FRMPD4: variants seen among roughly 807,000 people sequenced by gnomAD.
FRMPD4 encodes FERM and PDZ domain-containing protein 4.
In FRMPD4, 22 loss-of-function variants were observed where a neutral mutation model predicts 94.1. That is an observed-to-expected ratio of 0.23 (90% CI 0.17 to 0.33). The LOEUF is 0.33. FRMPD4 is among the 10% of genes least tolerant of loss of function. The probability of loss-of-function intolerance (pLI) is 1.00; values close to 1 mark genes in which losing one functional copy is unlikely to be tolerated. For missense variants in FRMPD4, 1,111 were observed against 1,339.9 expected, an observed-to-expected ratio of 0.83 and a Z score of 2.67; for synonymous variants, 631 against 548.6, an observed-to-expected ratio of 1.15 and a Z score of -2.10.
intron 3 of FRMPD4, among the ~76,000 whole-genome samples, chrX:12,126,389 G>A (rs1801082271): frequency 1.8e-5 from 2 of 112,059 alleles, no homozygotes; most frequent in Non-Finnish European, 3.8e-5. Flanking sequence ...GGGAAGAAAC[G>A]GATCATGAAT....
chrX:11,848,521 T>TC (rs2053597756), intron 1 of FRMPD4, among the ~76,000 whole-genome samples: 1 of 110,159 alleles, frequency 9.1e-6, no homozygotes, highest in Non-Finnish European at 1.9e-5. Context: ...TTTTTTTTTT[T>TC]TTCATTAGGT....
At chrX:11,898,876 C>T (rs1003468349) in intron 3 of FRMPD4, among the ~76,000 whole-genome samples, 2 of 111,124 alleles carry the variant, frequency 1.8e-5, no homozygotes, top group African/African-American at 6.6e-5. Context: ...AAGGTTTGGG[C>T]CTGAATAAGT....
Position 12,481,950 on chromosome X carries a change from A to AAAAAAATAAAAAAAT in FRMPD4, c.42-16724_42-16723insTAAAAAAATAAAAAA, listed in dbSNP as rs1569294808. Among the ~76,000 whole-genome samples, 38 of 88,385 alleles carry AAAAAAATAAAAAAAT rather than the reference A, an allele frequency of 4.3e-4. 1 individual carries two copies. The highest frequency in any genetic ancestry group is 7.9e-4 in the Non-Finnish European group (35 of 44,178). The allele number at this position is 88,385 out of a possible 115,157, so 76.8% of individuals were successfully genotyped here. On this transcript the variant is annotated intron_variant, in intron 1 of 16. Coordinates refer to ENST00000675598, the MANE Select transcript of FRMPD4 (RefSeq NM_001368397.1). ...AGAGCAAGACTACATCTCAAAAAAA[A>AAAAAAATAAAAAAAT]AAAAAAAAAAAAAAAAAAAAAGAAA...
chrX:12,686,025 A>C (rs2060019557), intron 6 of FRMPD4, 72 bp from the exon 7 acceptor site: 2 of 513,794 alleles, frequency 3.9e-6, no homozygotes, highest in African/African-American at 2.3e-5. Context: ...TAAAGTATAG[A>C]TGTGCTGCTA....
chrX:12,344,341 A>G (rs1315703184), intron 1 of FRMPD4, among the ~76,000 whole-genome samples: 1 of 111,392 alleles, frequency 9.0e-6, no homozygotes, highest in Non-Finnish European at 1.9e-5. Flanking sequence ...TTATCATTCA[A>G]CTTTCTCTGT....
At chrX:12,475,823 C>G (rs1034689138) in intron 1 of FRMPD4, among the ~76,000 whole-genome samples, 1 of 111,667 alleles carries the variant, frequency 9.0e-6, no homozygotes, top group African/African-American at 3.3e-5. Context: ...AGGATACAAA[C>G]AAATGGAAGA....
At chrX:12,553,962 A>G (rs757673912) in intron 2 of FRMPD4, among the ~76,000 whole-genome samples, 4 of 111,812 alleles carry the variant, frequency 3.6e-5, no homozygotes, top group Non-Finnish European at 5.6e-5. Flanking sequence ...AATCAACATT[A>G]TGGTGGACAT....
intron 1 of FRMPD4, among the ~76,000 whole-genome samples, chrX:12,470,910 C>G (rs1046339004): frequency 8.9e-6 from 1 of 111,943 alleles, no homozygotes; most frequent in African/African-American, 3.2e-5. Flanking sequence ...TTGGTTACCT[C>G]TCTCATATGT....
chrX:12,657,739 A>G (rs1320577980), intron 4 of FRMPD4, among the ~76,000 whole-genome samples: 2 of 112,387 alleles, frequency 1.8e-5, no homozygotes, highest in African/African-American at 6.5e-5. Flanking sequence ...TATTCATTAT[A>G]CTTAAAAAGT....
chrX:12,178,125 G>A (rs2056316876), intron 1 of FRMPD4, among the ~76,000 whole-genome samples: 1 of 111,043 alleles, frequency 9.0e-6, no homozygotes, highest in South Asian at 3.8e-4. Flanking sequence ...TATAAAAGAG[G>A]CCTAAGGGAG....
chrX:12,400,903 C>G (rs1037983189), intron 1 of FRMPD4, among the ~76,000 whole-genome samples: 2 of 111,806 alleles, frequency 1.8e-5, no homozygotes, highest in Non-Finnish European at 3.8e-5. Flanking sequence ...CCATTTTTAG[C>G]AAGTCTCATA....
chrX:12,507,765 T>C (rs2058000565), intron 2 of FRMPD4, among the ~76,000 whole-genome samples: 1 of 111,971 alleles, frequency 8.9e-6, no homozygotes, highest in Non-Finnish European at 1.9e-5. Context: ...ACCTATGACC[T>C]ACCTTAAAGG....
At chrX:12,286,177 A>G in intron 1 of FRMPD4, among the ~76,000 whole-genome samples, 1 of 112,226 alleles carries the variant, frequency 8.9e-6, no homozygotes, top group Admixed American at 9.4e-5. Context: ...ACATGCACAC[A>G]CACACAAACA....
chrX:12,429,907 G>C (rs1290714736), intron 1 of FRMPD4, among the ~76,000 whole-genome samples: 1 of 112,034 alleles, frequency 8.9e-6, no homozygotes, highest in Middle Eastern at 4.2e-3. Flanking sequence ...CTTCTGCCAT[G>C]TGTGGACATA....
intron 1 of FRMPD4, among the ~76,000 whole-genome samples, chrX:12,146,736 T>C (rs2055775017): frequency 8.9e-6 from 1 of 112,675 alleles, no homozygotes; most frequent in African/African-American, 3.2e-5. Context: ...GCGAAGATAA[T>C]TTCACTGCTT....
At chrX:12,294,179 G>T (rs1033579047) in intron 1 of FRMPD4, among the ~76,000 whole-genome samples, 1 of 111,203 alleles carries the variant, frequency 9.0e-6, no homozygotes, top group Non-Finnish European at 1.9e-5. Context: ...CACTCAATTT[G>T]CCAGGTGTCC....
chrX:12,331,325 C>A (rs146228934), intron 1 of FRMPD4, among the ~76,000 whole-genome samples: 2,091 of 103,086 alleles, frequency 0.02, 41 homozygotes, highest in African/African-American at 0.064. Context: ...GGTATCATGT[C>A]GACATATTTC....
intron 5 of FRMPD4, among the ~76,000 whole-genome samples, chrX:12,680,053 T>C (rs1433251840): frequency 8.9e-6 from 1 of 112,126 alleles, no homozygotes; most frequent in Non-Finnish European, 1.9e-5. Flanking sequence ...GCTCTAGGAA[T>C]TGCAAGTTCA....
chrX:12,078,954 C>A (rs374081454), intron 3 of FRMPD4, among the ~76,000 whole-genome samples: 1 of 111,466 alleles, frequency 9.0e-6, no homozygotes, highest in Admixed American at 9.5e-5. Flanking sequence ...AGACAGTGGG[C>A]GTCTCTTGAT....
Sources: gnomAD v4.1 joint callset for allele counts (sites outside exome capture counted in the v4.1 genomes callset) on GRCh38, gnomAD v4.1.1 for gene constraint, MANE v1.5 for transcripts, NCBI Gene and HGNC (gene_info 2026-07-23, HGNC 2026-07-21) for gene names.